YAE1: variants seen among roughly 807,000 people sequenced by gnomAD.
YAE1 encodes YAE1 maturation factor of ABCE1.
Under a neutral mutation model 23.0 loss-of-function variants are expected in YAE1, and 22 were observed. The ratio of observed to expected loss-of-function variants is 0.96; its 90% CI spans 0.68 to 1.37. YAE1 has a LOEUF of 1.37. Among genes scored for constraint, YAE1 ranks in the 40% most tolerant of loss-of-function variants. The pLI is 0.00. For missense variants in YAE1, 260 were observed against 262.1 expected, an observed-to-expected ratio of 0.99 and a Z score of 0.06; for synonymous variants, 101 against 97.0, an observed-to-expected ratio of 1.04 and a Z score of -0.24.
chr7:39,603,374 G>A (rs1042513968), intron 2 of YAE1, among the ~76,000 whole-genome samples: 5 of 152,092 alleles, frequency 3.3e-5, no homozygotes, highest in Non-Finnish European at 5.9e-5. Flanking sequence ...TTCTGACCTC[G>A]TGATCCGCCT....
At chr7:39,598,923 T>C (rs1034774428) in intron 2 of YAE1, among the ~76,000 whole-genome samples, 3 of 152,000 alleles carry the variant, frequency 2.0e-5, no homozygotes, top group Non-Finnish European at 2.9e-5. Context: ...CATTAGAAGA[T>C]GTATAACGTA....
In YAE1 at chr7:39,593,054, A is replaced by C. The variant is rs369832568; in HGVS notation, c.252-16563A>C. Among the ~76,000 whole-genome samples the C allele has an allele frequency of 1.7e-4, 25 of 150,958 alleles. No individual in the cohort carries two copies. In the South Asian group the frequency reaches 4.8e-3, roughly 29 times the overall value. On this transcript the variant is annotated intron_variant, in intron 2 of 2. Transcript: ENST00000432096. ...TTTTCAGATTGGATAATTTCTATTG[A>C]TCTATTTTCAAGGGTACTAGTTCTT...
At chr7:39,588,463 T>A (rs1044573996) in intron 2 of YAE1, among the ~76,000 whole-genome samples, 2 of 150,450 alleles carry the variant, frequency 1.3e-5, no homozygotes, top group Non-Finnish European at 3.0e-5. Flanking sequence ...CATTCATCAT[T>A]GTACTCCAGC....
chr7:39,602,513 A>T (rs760630534), intron 2 of YAE1, among the ~76,000 whole-genome samples: 4 of 152,240 alleles, frequency 2.6e-5, no homozygotes, highest in Non-Finnish European at 5.9e-5. Context: ...TCACTTTGCA[A>T]ATATTTTAGC....
rs1173335734 is a variant in YAE1 at position 39,572,597 on chromosome 7, A to G, written c.572A>G (p.His191Arg). The change falls in exon 3 of 3, where the codon CAT becomes CGT. Residue 191 changes from histidine to arginine, a missense_variant. Coordinates refer to ENST00000223273, the MANE Select transcript of YAE1 (RefSeq NM_020192.5). The stretch of plus-strand genomic sequence containing the variant: ...GTAGAATGTTGTAGAACACAGGAGC[A>G]TGCACATTCAGAAAACCCAAGCCCC... ...SYVECCRTQE[H>R]AHSENPSPTW... is the part of the protein sequence containing the mutation. The G allele has an allele frequency of 6.2e-7, 1 of 1,614,144 alleles. No homozygotes were observed. The highest frequency in any genetic ancestry group is 8.5e-7 in the Non-Finnish European group (1 of 1,179,966).
exon 3 of YAE1, chr7:39,610,182 A>C (rs527438855): frequency 7.5e-6 from 5 of 667,160 alleles, no homozygotes; most frequent in African/African-American, 1.8e-5. Flanking sequence ...GAAAATCCTC[A>C]ATACCAAACT....
chr7:39,601,911 A>T (rs1791060809), intron 2 of YAE1, among the ~76,000 whole-genome samples: 1 of 152,220 alleles, frequency 6.6e-6, no homozygotes, highest in African/African-American at 2.4e-5. Flanking sequence ...AAGTATTTTC[A>T]TGAATATTCT....
At chr7:39,597,916 C>A (rs1254959721) in intron 2 of YAE1, among the ~76,000 whole-genome samples, 1 of 152,136 alleles carries the variant, frequency 6.6e-6, no homozygotes, top group Non-Finnish European at 1.5e-5. Context: ...AAGGGAAGTC[C>A]TCTAAGGAAA....
At chr7:39,581,312 GA>G in intron 2 of YAE1, among the ~76,000 whole-genome samples, 1 of 152,220 alleles carries the variant, frequency 6.6e-6, no homozygotes, top group Middle Eastern at 3.4e-3. Flanking sequence ...GTTCTAGATA[GA>G]TTTTTAAACA....
rs1342999255 is a variant in YAE1, at chr7:39,566,512, C to T, written c.94C>T (p.Arg32Trp). ...EEADESLLAQ[R>W]EWQSNMQRRV... ...AGCAGACGAGTCGCTCCTGGCGCAG[C>T]GGGAATGGCAGAGTAACATGCAAAG... Residue 32 changes from arginine to tryptophan, a missense_variant, in exon 1 of 3, where the codon CGG (arginine) becomes TGG (tryptophan). Transcript: ENST00000223273. The T allele has an allele frequency of 3.7e-6, 6 of 1,614,088 alleles. No individual in the cohort carries two copies. Among genetic ancestry groups the T allele is most frequent in the Non-Finnish European group, 5.1e-6 (6 of 1,179,992 alleles).
At chr7:39,573,576 A>C (rs923991884), downstream of YAE1, among the ~76,000 whole-genome samples, 1 of 152,158 alleles carries the variant, frequency 6.6e-6, no homozygotes, top group South Asian at 2.1e-4. Context: ...CTGAAACACA[A>C]GTTTATATGA....
intron 2 of YAE1, among the ~76,000 whole-genome samples, chr7:39,594,832 G>A (rs1790953201): frequency 6.6e-6 from 1 of 152,118 alleles, no homozygotes; most frequent in East Asian, 1.9e-4. Context: ...CTGAGCTCAA[G>A]CAATCCACCT....
At chr7:39,583,727 G>A (rs1309177081) in intron 2 of YAE1, among the ~76,000 whole-genome samples, 1 of 151,996 alleles carries the variant, frequency 6.6e-6, no homozygotes, top group African/African-American at 2.4e-5. Flanking sequence ...GGTAATGGTA[G>A]TGACATCATT....
intron 2 of YAE1, among the ~76,000 whole-genome samples, chr7:39,590,347 A>T (rs562018078): frequency 3.3e-5 from 5 of 152,340 alleles, no homozygotes; most frequent in African/African-American, 1.2e-4. Context: ...AGTACTTAAG[A>T]TATGTCAGAT....
At chr7:39,602,934 A>G (rs1791073873) in intron 2 of YAE1, among the ~76,000 whole-genome samples, 2 of 152,004 alleles carry the variant, frequency 1.3e-5, no homozygotes, top group South Asian at 4.2e-4. Flanking sequence ...TTTTTAATAG[A>G]CATGAGGTTT....
At chr7:39,605,585 C>G (rs943270344) in intron 2 of YAE1, among the ~76,000 whole-genome samples, 1 of 152,180 alleles carries the variant, frequency 6.6e-6, no homozygotes, top group African/African-American at 2.4e-5. Flanking sequence ...GTTTTTCAGA[C>G]TGGAACTTAC....
chr7:39,598,797 A>AAGAAG (rs57546427), intron 2 of YAE1, among the ~76,000 whole-genome samples: 36 of 148,430 alleles, frequency 2.4e-4, no homozygotes, highest in African/African-American at 8.8e-4. Flanking sequence ...AAAAAAAAAA[A>AAGAAG]AAGAAGAAGA....
At chr7:39,594,941 C>T (rs1790954509) in intron 2 of YAE1, among the ~76,000 whole-genome samples, 1 of 152,144 alleles carries the variant, frequency 6.6e-6, no homozygotes, top group African/African-American at 2.4e-5. Flanking sequence ...CATATTTAGA[C>T]ATTTGTATCA....
intron 1 of YAE1, among the ~76,000 whole-genome samples, chr7:39,567,486 C>T (rs978151175): frequency 2.0e-5 from 3 of 151,886 alleles, no homozygotes; most frequent in Non-Finnish European, 4.4e-5. Context: ...AAACAATTTC[C>T]TCTCTCTGCT....
Sources: gnomAD v4.1 joint callset for allele counts (sites outside exome capture counted in the v4.1 genomes callset) on GRCh38, gnomAD v4.1.1 for gene constraint, MANE v1.5 for transcripts, NCBI Gene and HGNC (gene_info 2026-07-23, HGNC 2026-07-21) for gene names.